The following TRPM3 variants were observed in gnomAD, a reference collection of about 807,000 sequenced individuals.
TRPM3 encodes long transient receptor potential channel 3.
A neutral mutation model predicts 181.2 loss-of-function variants in TRPM3; 77 were observed. The observed-to-expected ratio is 0.42, with a 90% CI of 0.35 to 0.51. The LOEUF (loss-of-function observed/expected upper bound fraction) is 0.51. Among genes scored for constraint, TRPM3 ranks in the 20% least tolerant of loss-of-function variants. The pLI, the probability that TRPM3 is intolerant of heterozygous loss-of-function variation, is 0.01. For missense variants in TRPM3, 1,759 were observed against 2,196.7 expected (o/e 0.80, Z 3.98); for synonymous variants, 745 against 796.4 (o/e 0.94, Z 1.09).
chr9:70,980,798 G>A (rs1426908692), intron 1 of TRPM3, among the ~76,000 whole-genome samples: 1 of 152,178 alleles, frequency 6.6e-6, no homozygotes, highest in Non-Finnish European at 1.5e-5. Context: ...TGGGAACCCA[G>A]TCTTTGGGTG....
intron 9 of TRPM3, among the ~76,000 whole-genome samples, chr9:70,666,315 A>C (rs760243027): frequency 1.3e-5 from 2 of 150,510 alleles, no homozygotes; most frequent in Non-Finnish European, 3.0e-5. Context: ...GGAATTTCCA[A>C]CTCCTCTGTT....
intron 1 of TRPM3, among the ~76,000 whole-genome samples, chr9:71,040,434 G>T (rs2058693094): frequency 6.6e-6 from 1 of 152,152 alleles, no homozygotes; most frequent in Non-Finnish European, 1.5e-5. Context: ...GGATGTCAGA[G>T]ATATTTTCTC....
chr9:71,240,756 C>G (rs533974978), intron 1 of TRPM3, among the ~76,000 whole-genome samples: 1 of 152,206 alleles, frequency 6.6e-6, no homozygotes, highest in South Asian at 2.1e-4. Flanking sequence ...AGAAGGATAA[C>G]CATATTCAGG....
intron 1 of TRPM3, among the ~76,000 whole-genome samples, chr9:71,208,044 G>A (rs747805470): frequency 8.5e-5 from 13 of 152,210 alleles, no homozygotes; most frequent in South Asian, 2.1e-4. Flanking sequence ...GAGTAGGGCC[G>A]GAATTATTTC....
At chr9:71,240,876 T>C (rs556737918) in intron 1 of TRPM3, among the ~76,000 whole-genome samples, 1 of 152,236 alleles carries the variant, frequency 6.6e-6, no homozygotes, top group South Asian at 2.1e-4. Flanking sequence ...GGATAAAATT[T>C]TAATTGAACT....
chr9:70,654,031 T>A (rs1472621777), intron 9 of TRPM3, among the ~76,000 whole-genome samples: 1 of 152,010 alleles, frequency 6.6e-6, no homozygotes, highest in Non-Finnish European at 1.5e-5. Flanking sequence ...GCTCCAAACT[T>A]AGGGGTGGCT....
chr9:71,100,231 A>T (rs1359084286), intron 1 of TRPM3, among the ~76,000 whole-genome samples: 1 of 152,126 alleles, frequency 6.6e-6, no homozygotes, highest in African/African-American at 2.4e-5. Flanking sequence ...ACTCAGGAAA[A>T]TTTTGTTAGT....
intron 1 of TRPM3, among the ~76,000 whole-genome samples, chr9:71,334,937 T>C (rs1052391095): frequency 9.9e-5 from 15 of 152,156 alleles, no homozygotes; most frequent in African/African-American, 1.2e-4. Flanking sequence ...CATACCAATA[T>C]TGAGCTCCAT....
intron 21 of TRPM3, among the ~76,000 whole-genome samples, chr9:70,596,720 A>AAAAAAAAG: frequency 6.6e-6 from 1 of 152,164 alleles, no homozygotes; most frequent in East Asian, 1.9e-4. Flanking sequence ...GTCAAAAAAA[A>AAAAAAAAG]AAAAAAAAGA....
intron 8 of TRPM3, among the ~76,000 whole-genome samples, chr9:70,756,732 G>A (rs777422634): frequency 6.6e-6 from 1 of 152,140 alleles, no homozygotes; most frequent in Non-Finnish European, 1.5e-5. Context: ...GCTCCTGAAC[G>A]ACTACTGGGT....
At chr9:70,571,424 C>T (rs939303409) in intron 22 of TRPM3, among the ~76,000 whole-genome samples, 4 of 152,204 alleles carry the variant, frequency 2.6e-5, no homozygotes, top group African/African-American at 7.2e-5. Flanking sequence ...CTGCTGGAGG[C>T]CCTGTACCTT....
At chr9:71,240,450 T>C (rs1438893086) in intron 1 of TRPM3, among the ~76,000 whole-genome samples, 1 of 152,164 alleles carries the variant, frequency 6.6e-6, no homozygotes, top group Non-Finnish European at 1.5e-5. Flanking sequence ...AGAATAAATG[T>C]ATTATAACTC....
chr9:70,922,027 T>C (rs2096662543), intron 1 of TRPM3, among the ~76,000 whole-genome samples: 1 of 151,572 alleles, frequency 6.6e-6, no homozygotes, highest in African/African-American at 2.4e-5. Context: ...ATCAATAAGC[T>C]GGTAATAAGA....
intron 5 of TRPM3, 22 bp from the exon 6 acceptor site, chr9:70,828,040 AGGC>A: frequency 6.3e-7 from 1 of 1,596,870 alleles, no homozygotes; most frequent in Non-Finnish European, 8.5e-7. Context: ...CAAATGGAAG[AGGC>A]AGAAGTCAGA....
chr9:70,648,792 T>G (rs180835030), intron 9 of TRPM3, among the ~76,000 whole-genome samples: 2 of 152,294 alleles, frequency 1.3e-5, no homozygotes, highest in Admixed American at 1.3e-4. Flanking sequence ...GTTAGCCACA[T>G]GCAAAAGATT....
At chr9:70,845,009 G>A (rs1426991437) in intron 4 of TRPM3, among the ~76,000 whole-genome samples, 6 of 152,198 alleles carry the variant, frequency 3.9e-5, no homozygotes, top group Non-Finnish European at 5.9e-5. Context: ...AGGATAAGGA[G>A]TAAAGAGCTA....
chr9:71,010,451 C>T (rs1005770791), intron 1 of TRPM3, among the ~76,000 whole-genome samples: 1 of 151,908 alleles, frequency 6.6e-6, no homozygotes, highest in Non-Finnish European at 1.5e-5. Flanking sequence ...TTGAAAAATG[C>T]CCAAAATACC....
In TRPM3 at chr9:70,969,756, T is replaced by TTATATATATATATATATATATA. The variant is rs78938143; in HGVS notation, c.178-105267_178-105246dup. The stretch of plus-strand genomic sequence containing the variant: ...GGATTGTTGTGAAGACTGAATGATT[T>TTATATATATATATATATATATA]TATATATATATATATATATATATAC... On this transcript the variant is annotated intron_variant, in intron 1 of 25. Coordinates refer to ENST00000677713, the MANE Select transcript of TRPM3 (RefSeq NM_001366145.2). 9.4e-3 allele frequency among the ~76,000 whole-genome samples: 1,161 copies of TTATATATATATATATATATATA among 124,142 alleles called. 6 individuals carry two copies. Among genetic ancestry groups the TTATATATATATATATATATATA allele is most frequent in the Non-Finnish European group, 0.014 (766 of 56,652 alleles). 81.4% of individuals were successfully genotyped at this position (124,142 alleles called of 152,430 possible).
intron 20 of TRPM3, among the ~76,000 whole-genome samples, chr9:70,601,546 A>G (rs1228175529): frequency 1.3e-5 from 2 of 152,136 alleles, no homozygotes; most frequent in African/African-American, 2.4e-5. Context: ...AGGGCAGGAC[A>G]CAGGGGTTGG....
Sources: allele counts gnomAD v4.1 joint callset (sites outside exome capture counted in the v4.1 genomes callset), GRCh38; gene constraint gnomAD v4.1.1; transcripts MANE v1.5; gene names NCBI Gene and HGNC (gene_info 2026-07-23, HGNC 2026-07-21).